AFF3: variants seen among roughly 807,000 people sequenced by gnomAD.
AFF3 encodes the protein ALF transcription elongation factor 3.
AFF3 carries 32 observed loss-of-function variants against 129.7 expected under a neutral mutation model. That is an observed-to-expected ratio of 0.25 (90% confidence interval 0.19 to 0.33). The LOEUF (loss-of-function observed/expected upper bound fraction) is 0.33. AFF3 is among the 10% of genes least tolerant of loss of function. AFF3 has a pLI of 1.00. For missense variants in AFF3, 1,373 were observed against 1,592.0 expected, an observed-to-expected ratio of 0.86 and a Z score of 2.34; for synonymous variants, 644 against 635.4, an observed-to-expected ratio of 1.01 and a Z score of -0.20.
chr2:99,798,775 G>A (rs1289266470), intron 8 of AFF3, among the ~76,000 whole-genome samples: 1 of 151,976 alleles, frequency 6.6e-6, no homozygotes, highest in Non-Finnish European at 1.5e-5. Flanking sequence ...GTGCCTAACA[G>A]CAGAGCTTCA....
At chr2:100,131,780 T>TAATAGTAATGTTAAAA (rs1355870411) in intron 1 of AFF3, among the ~76,000 whole-genome samples, 6 of 152,220 alleles carry the variant, frequency 3.9e-5, no homozygotes, top group Non-Finnish European at 8.8e-5. Context: ...GTGTCATACA[T>TAATAGTAATGTTAAAA]GGCATTAGAA....
chr2:99,972,897 G>A (rs965251467), intron 7 of AFF3, among the ~76,000 whole-genome samples: 2 of 152,170 alleles, frequency 1.3e-5, no homozygotes, highest in African/African-American at 2.4e-5. Flanking sequence ...CAAAAGGTAC[G>A]CTGCGTTGCT....
chr2:99,569,598 G>A (rs1559488084), intron 18 of AFF3, among the ~76,000 whole-genome samples: 1 of 152,130 alleles, frequency 6.6e-6, no homozygotes, highest in Admixed American at 6.6e-5. Context: ...CCTGGCCAGC[G>A]GTGACTCTGC....
intron 22 of AFF3, 145 bp downstream of exon 22, chr2:99,558,730 C>A: frequency 1.6e-6 from 1 of 635,988 alleles, no homozygotes; most frequent in Non-Finnish European, 2.7e-6. Flanking sequence ...CTGAAAGCCA[C>A]AAGTGTGGCA....
At chr2:99,717,726 A>AG (rs1678522311) in intron 11 of AFF3, among the ~76,000 whole-genome samples, 1 of 152,130 alleles carries the variant, frequency 6.6e-6, no homozygotes, top group African/African-American at 2.4e-5. Context: ...AATCCATTAG[A>AG]ACTTTCTTTC....
intron 12 of AFF3, among the ~76,000 whole-genome samples, chr2:99,651,802 A>G (rs1196667532): frequency 1.3e-5 from 2 of 152,194 alleles, no homozygotes; most frequent in Non-Finnish European, 2.9e-5. Context: ...CATCACATTT[A>G]GATATCAGGA....
chr2:99,558,795 G>A, intron 22 of AFF3, 80 bp downstream of exon 22: 1 of 1,373,564 alleles, frequency 7.3e-7, no homozygotes, highest in Non-Finnish European at 1.0e-6. Context: ...CAAAGCAATG[G>A]AGTCTACCAG....
intron 8 of AFF3, among the ~76,000 whole-genome samples, chr2:99,835,311 T>C (rs939274313): frequency 2.6e-5 from 4 of 152,194 alleles, no homozygotes; most frequent in African/African-American, 9.7e-5. Context: ...CTTAGCTTTA[T>C]CTACCTGCTC....
chr2:99,596,151 A>T (rs755136254), intron 14 of AFF3, among the ~76,000 whole-genome samples: 15 of 152,212 alleles, frequency 9.9e-5, no homozygotes, highest in Non-Finnish European at 2.2e-4. Flanking sequence ...CACCAGAGAA[A>T]TATGCAAATG....
chr2:99,810,974 T>C (rs1457971497), intron 8 of AFF3, among the ~76,000 whole-genome samples: 1 of 152,174 alleles, frequency 6.6e-6, no homozygotes, highest in Non-Finnish European at 1.5e-5. Flanking sequence ...TAAGGGCCTT[T>C]ATGATTACAT....
At chr2:100,062,823 G>T (rs1178203373) in intron 4 of AFF3, among the ~76,000 whole-genome samples, 1 of 152,212 alleles carries the variant, frequency 6.6e-6, no homozygotes. Context: ...GTGAGAGAAA[G>T]AACAGATGCA....
At chr2:99,809,470 G>A (rs976655626) in intron 8 of AFF3, among the ~76,000 whole-genome samples, 1 of 152,236 alleles carries the variant, frequency 6.6e-6, no homozygotes, top group African/African-American at 2.4e-5. Flanking sequence ...CCATTCAATA[G>A]AAGCAGAAAA....
At chr2:99,935,167 C>G (rs1235668916) in intron 7 of AFF3, among the ~76,000 whole-genome samples, 1 of 152,162 alleles carries the variant, frequency 6.6e-6, no homozygotes, top group Non-Finnish European at 1.5e-5. Context: ...GCACATGTGG[C>G]ATTCTCCAGA....
chr2:99,742,345 A>C (rs1376849188), intron 10 of AFF3, among the ~76,000 whole-genome samples: 1 of 152,158 alleles, frequency 6.6e-6, no homozygotes, highest in Admixed American at 6.5e-5. Flanking sequence ...CCTTGTCTCA[A>C]GAAAATGAAA....
rs1286881868 is a variant in AFF3 at position 99,728,183 on chromosome 2, G to A, written c.1040-1055C>T. ...GGTTTGAACCATGCATCCTCATTCTGTAAGGAGTTTCTTTGTATTTCCTTG... is the reference window on the plus strand; with the variant it reads ...GGTTTGAACCATGCATCCTCATTCTATAAGGAGTTTCTTTGTATTTCCTTG... On this transcript the variant is annotated intron_variant, in intron 10 of 24. Transcript: ENST00000672756. Among the ~76,000 whole-genome samples, 5 of 152,196 alleles carry A rather than the reference G, an allele frequency of 3.3e-5. No homozygotes were observed. The East Asian group carries it at 9.6e-4, about 29-fold the overall frequency.
At chr2:99,818,093 A>G (rs1687382740) in intron 8 of AFF3, among the ~76,000 whole-genome samples, 1 of 152,200 alleles carries the variant, frequency 6.6e-6, no homozygotes, top group Non-Finnish European at 1.5e-5. Context: ...TGAGCATACC[A>G]AATTCCAAAT....
chr2:99,654,160 G>A (rs1685539822), intron 12 of AFF3, among the ~76,000 whole-genome samples: 1 of 152,164 alleles, frequency 6.6e-6, no homozygotes, highest in Non-Finnish European at 1.5e-5. Context: ...GGTTACAGGT[G>A]TGCGCCACTG....
chr2:99,926,834 A>G (rs895831582), intron 7 of AFF3, among the ~76,000 whole-genome samples: 1 of 152,036 alleles, frequency 6.6e-6, no homozygotes, highest in Non-Finnish European at 1.5e-5. Context: ...TCCTCCACTT[A>G]TGTTAACAGA....
chr2:99,916,577 T>C (rs1379585657), intron 7 of AFF3, among the ~76,000 whole-genome samples: 2 of 152,058 alleles, frequency 1.3e-5, no homozygotes, highest in African/African-American at 4.8e-5. Flanking sequence ...ATCCATCCTT[T>C]TGGAGAAAGC....
Sources: allele counts gnomAD v4.1 joint callset (sites outside exome capture counted in the v4.1 genomes callset), GRCh38; gene constraint gnomAD v4.1.1; transcripts MANE v1.5; gene names NCBI Gene and HGNC (gene_info 2026-07-23, HGNC 2026-07-21).